STXBP4: variants seen among roughly 807,000 people sequenced by gnomAD.
STXBP4 encodes syntaxin-binding protein 4.
A neutral mutation model predicts 76.1 loss-of-function variants in STXBP4; 55 were observed. The ratio of observed to expected loss-of-function variants is 0.72; its 90% confidence interval spans 0.58 to 0.91. STXBP4 has a LOEUF of 0.91. Ranked by LOEUF, STXBP4 falls within the 40% of genes least tolerant of loss-of-function variation. The probability of loss-of-function intolerance (pLI) is 0.00; values close to 1 mark genes in which losing one functional copy is unlikely to be tolerated. For missense variants in STXBP4, 618 were observed against 636.9 expected, an observed-to-expected ratio of 0.97 and a Z score of 0.32; for synonymous variants, 201 against 220.2, an observed-to-expected ratio of 0.91 and a Z score of 0.77.
chr17:54,993,132 T>TTA (rs2077745136), intron 4 of STXBP4, among the ~76,000 whole-genome samples: 1 of 152,240 alleles, frequency 6.6e-6, no homozygotes, highest in African/African-American at 2.4e-5. Flanking sequence ...CTTCTGTCAG[T>TTA]GATAGCAGAT....
rs558537528 is a variant in STXBP4, at chr17:54,994,083, C to T, written c.180+3126C>T. Among the ~76,000 whole-genome samples the T allele has an allele frequency of 2.0e-5, 3 of 152,242 alleles. No homozygotes were observed. In the South Asian group the frequency reaches 6.2e-4, roughly 32 times the overall value. The stretch of plus-strand genomic sequence containing the variant: ...ATGGGATATTATGAATACATCTTTT[C>T]AGTTCAAGCAGAACCAAGATTCCCT... On this transcript the variant is annotated intron_variant, in intron 4 of 17. Coordinates refer to ENST00000376352, the MANE Select transcript of STXBP4 (RefSeq NM_178509.6).
chr17:55,135,155 T>C (rs73310420), intron 16 of STXBP4, among the ~76,000 whole-genome samples: 2,483 of 152,202 alleles, frequency 0.016, 69 homozygotes, highest in African/African-American at 0.057. Flanking sequence ...CAAAAAGAAA[T>C]AGTGACTGAC....
At chr17:55,025,727 T>TAAGACC (rs1237796042) in intron 8 of STXBP4, among the ~76,000 whole-genome samples, 5 of 152,208 alleles carry the variant, frequency 3.3e-5, no homozygotes, top group African/African-American at 7.2e-5. Context: ...ACATCAGGAA[T>TAAGACC]AAGACAAGGA....
chr17:55,173,415 C>T lies in STXBP4; in HGVS notation c.*13504C>T, dbSNP rs1201497136. On this transcript the variant is annotated 3_prime_UTR_variant, in exon 18 of 18. Coordinates refer to ENST00000376352, the MANE Select transcript of STXBP4 (RefSeq NM_178509.6). ...TTTTCGAGAATATCATATAAATAATCATGTATTATGTAACATTCTGAGACA... is the reference window on the plus strand; with the variant it reads ...TTTTCGAGAATATCATATAAATAATTATGTATTATGTAACATTCTGAGACA... 6.6e-6 allele frequency: 1 copy of T among 152,190 alleles called. No individual in the cohort carries two copies. The highest frequency in any genetic ancestry group is 1.5e-5 in the Non-Finnish European group (1 of 68,034). The allele number at this position is 152,190 out of a possible 1,614,324, so 9.4% of individuals were successfully genotyped here.
At position 55,165,793 on chromosome 17, in the gene STXBP4, G is replaced by A. The variant is rs934419507; in HGVS notation, c.*5882G>A. On this transcript the variant is annotated 3_prime_UTR_variant, in exon 18 of 18. Transcript: ENST00000376352. ...ATGGGATTAGGACCCTTATGAAAGA[G>A]GCTTCAGGGAACCTGTTTGCCCCTT... The A allele has an allele frequency of 1.3e-5, 2 of 152,248 alleles. No homozygotes were observed. The highest frequency in any genetic ancestry group is 2.4e-5 in the African/African-American group (1 of 41,446). 9.4% of individuals were successfully genotyped at this position (152,248 alleles called of 1,614,324 possible).
At chr17:55,194,698 A>G in the STXBP4 span, among the ~76,000 whole-genome samples, 5 of 152,238 alleles carry the variant, frequency 3.3e-5, no homozygotes, top group African/African-American at 9.6e-5. Context: ...GTCAGAGGCC[A>G]AGAGAACAAA....
chr17:55,183,497 C>T, the STXBP4 span, among the ~76,000 whole-genome samples: 1 of 152,042 alleles, frequency 6.6e-6, no homozygotes, highest in Admixed American at 6.5e-5. Flanking sequence ...GTAGAAAGCT[C>T]ATGTTAAAAT....
intron 8 of STXBP4, among the ~76,000 whole-genome samples, chr17:55,026,986 T>C (rs1344143527): frequency 6.6e-6 from 1 of 152,084 alleles, no homozygotes; most frequent in Non-Finnish European, 1.5e-5. Context: ...CAGTTTTGAT[T>C]TTAGCTAGCT....
chr17:54,992,022 TC>T (rs2077725754), intron 4 of STXBP4, among the ~76,000 whole-genome samples: 1 of 152,102 alleles, frequency 6.6e-6, no homozygotes, highest in African/African-American at 2.4e-5. Flanking sequence ...AGGGAAAAAT[TC>T]CGTTTTACCA....
intron 12 of STXBP4, among the ~76,000 whole-genome samples, chr17:55,053,306 A>G (rs964149406): frequency 1.8e-4 from 27 of 152,084 alleles, no homozygotes; most frequent in African/African-American, 6.5e-4. Context: ...GGACCATGAT[A>G]TATATAACTT....
intron 16 of STXBP4, among the ~76,000 whole-genome samples, chr17:55,082,687 C>G (rs2079271418): frequency 6.6e-6 from 1 of 152,012 alleles, no homozygotes. Flanking sequence ...AAAATGCCCC[C>G]TAGGTGCAAT....
chr17:54,983,693 TAG>T, intron 1 of STXBP4, among the ~76,000 whole-genome samples: 1 of 152,180 alleles, frequency 6.6e-6, no homozygotes, highest in East Asian at 1.9e-4. Flanking sequence ...GTGTGAAACA[TAG>T]TGCCAATTAA....
intron 4 of STXBP4, among the ~76,000 whole-genome samples, chr17:54,997,687 TG>T (rs1225636470): frequency 6.7e-6 from 1 of 148,784 alleles, no homozygotes; most frequent in Non-Finnish European, 1.5e-5. Context: ...CTTGACCTCC[TG>T]GGCTCAAGTG....
At chr17:55,181,029 G>A in the STXBP4 span, among the ~76,000 whole-genome samples, 4 of 152,220 alleles carry the variant, frequency 2.6e-5, no homozygotes, top group African/African-American at 9.6e-5. Flanking sequence ...TTGGGGGAAT[G>A]GAGGTGGAGA....
At chr17:55,018,780 G>C (rs781503251) in intron 8 of STXBP4, among the ~76,000 whole-genome samples, 1 of 152,138 alleles carries the variant, frequency 6.6e-6, no homozygotes, top group Non-Finnish European at 1.5e-5. Flanking sequence ...TCTTAAGGGT[G>C]GGGGAGATTA....
At chr17:54,987,679 A>G (rs1432469269) in intron 3 of STXBP4, among the ~76,000 whole-genome samples, 1 of 152,210 alleles carries the variant, frequency 6.6e-6, no homozygotes, top group Non-Finnish European at 1.5e-5. Context: ...AACCTAGCAT[A>G]TAAGTCATTT....
chr17:55,099,555 CA>C (rs923342404), intron 16 of STXBP4, among the ~76,000 whole-genome samples: 16 of 152,078 alleles, frequency 1.1e-4, no homozygotes, highest in African/African-American at 3.6e-4. Flanking sequence ...AAAGGTACAG[CA>C]AAAATACAGT....
At chr17:55,021,495 G>C (rs934993891) in intron 8 of STXBP4, among the ~76,000 whole-genome samples, 1 of 152,096 alleles carries the variant, frequency 6.6e-6, no homozygotes, top group Non-Finnish European at 1.5e-5. Flanking sequence ...CTGTACTCCA[G>C]CAAGAGTGAG....
intron 9 of STXBP4, among the ~76,000 whole-genome samples, chr17:55,032,789 T>C (rs2078532459): frequency 6.6e-6 from 1 of 152,164 alleles, no homozygotes; most frequent in African/African-American, 2.4e-5. Context: ...TTTGCTGCCA[T>C]GTTTATTACT....
Sources: allele counts gnomAD v4.1 joint callset (sites outside exome capture counted in the v4.1 genomes callset), GRCh38; gene constraint gnomAD v4.1.1; transcripts MANE v1.5; gene names NCBI Gene and HGNC (gene_info 2026-07-23, HGNC 2026-07-21).